GRM5: variants seen among roughly 807,000 people sequenced by gnomAD.
GRM5 encodes glutamate metabotropic receptor 5.
A neutral mutation model predicts 83.1 loss-of-function variants in GRM5; 19 were observed. The observed-to-expected ratio is 0.23, with a 90% CI of 0.16 to 0.34. GRM5 has a LOEUF of 0.34. GRM5 is among the 10% of genes least tolerant of loss of function. The pLI is 1.00. For synonymous variants in GRM5, 675 were observed against 633.6 expected (o/e 1.07, Z -0.98); for missense variants, 1,160 against 1,588.3 (o/e 0.73, Z 4.58).
intron 3 of GRM5, among the ~76,000 whole-genome samples, chr11:88,771,854 A>C (rs949323115): frequency 6.6e-6 from 1 of 152,132 alleles, no homozygotes; most frequent in African/African-American, 2.4e-5. Flanking sequence ...GAAAAGTTTC[A>C]TCTCCCTGAA....
At chr11:88,651,842 A>G (rs982924314) in intron 4 of GRM5, among the ~76,000 whole-genome samples, 1 of 152,042 alleles carries the variant, frequency 6.6e-6, no homozygotes, top group Non-Finnish European at 1.5e-5. Context: ...TGTTTTATGA[A>G]GCAATTACAT....
At chr11:88,695,691 G>A (rs949370345) in intron 3 of GRM5, among the ~76,000 whole-genome samples, 2 of 152,174 alleles carry the variant, frequency 1.3e-5, no homozygotes, top group Admixed American at 1.3e-4. Flanking sequence ...AGTTTTCAAG[G>A]AATCAACACC....
At chr11:88,931,099 G>A (rs1937691389) in intron 2 of GRM5, among the ~76,000 whole-genome samples, 1 of 151,738 alleles carries the variant, frequency 6.6e-6, no homozygotes, top group African/African-American at 2.4e-5. Context: ...GCTATTATAT[G>A]TGCTATAGGT....
chr11:88,712,965 C>T (rs762452333), intron 3 of GRM5, among the ~76,000 whole-genome samples: 9 of 151,900 alleles, frequency 5.9e-5, no homozygotes, highest in Admixed American at 2.6e-4. Flanking sequence ...TTGTTTCTTC[C>T]GTTTGGTCAA....
At chr11:88,665,862 A>AAC (rs1940031016) in intron 3 of GRM5, among the ~76,000 whole-genome samples, 2 of 151,324 alleles carry the variant, frequency 1.3e-5, no homozygotes, top group Admixed American at 1.3e-4. Context: ...AGGAGAAAAA[A>AAC]AAAAATGGAC....
At chr11:88,963,558 A>T (rs569153499) in intron 2 of GRM5, among the ~76,000 whole-genome samples, 1 of 152,326 alleles carries the variant, frequency 6.6e-6, no homozygotes, top group Admixed American at 6.5e-5. Flanking sequence ...TGGACCATGT[A>T]GATAAAGCAA....
chr11:88,847,558 C>T (rs184400983), intron 3 of GRM5, among the ~76,000 whole-genome samples: 1 of 151,904 alleles, frequency 6.6e-6, no homozygotes, highest in Admixed American at 6.6e-5. Flanking sequence ...ACTGTTGTTC[C>T]CAAATATTTG....
intron 3 of GRM5, among the ~76,000 whole-genome samples, chr11:88,844,438 ACAATG>A (rs1472952610): frequency 2.0e-5 from 3 of 152,092 alleles, no homozygotes; most frequent in Non-Finnish European, 4.4e-5. Flanking sequence ...CTAATAATTG[ACAATG>A]TGCCCGGCCA....
At chr11:88,561,188 A>C (rs770936831) in intron 8 of GRM5, among the ~76,000 whole-genome samples, 1 of 152,198 alleles carries the variant, frequency 6.6e-6, no homozygotes, top group Non-Finnish European at 1.5e-5. Context: ...CAAATGAACC[A>C]GTTTTCTAGG....
chr11:88,963,050 C>G (rs1416000195), intron 2 of GRM5, among the ~76,000 whole-genome samples: 1 of 152,202 alleles, frequency 6.6e-6, no homozygotes, highest in Non-Finnish European at 1.5e-5. Context: ...GATCATGCCA[C>G]TGCACACTCC....
chr11:88,712,652 T>G (rs1410954158), intron 3 of GRM5, among the ~76,000 whole-genome samples: 1 of 152,002 alleles, frequency 6.6e-6, no homozygotes, highest in Non-Finnish European at 1.5e-5. Context: ...CGTAGTTTGA[T>G]GCCCATAAAA....
At chr11:88,850,239 A>C in intron 2 of GRM5, 84 bp from the exon 3 acceptor site, 1 of 737,944 alleles carries the variant, frequency 1.4e-6, no homozygotes, top group Non-Finnish European at 2.3e-6. Context: ...AGGTGTTAGG[A>C]GCATGAAAGT....
At chr11:89,052,577 G>A (rs1215621846) in intron 1 of GRM5, among the ~76,000 whole-genome samples, 3 of 152,118 alleles carry the variant, frequency 2.0e-5, no homozygotes, top group African/African-American at 7.2e-5. Context: ...TTTTGAGTGT[G>A]TCTGTATGTG....
chr11:88,652,691 A>T (rs1359329609), intron 4 of GRM5, among the ~76,000 whole-genome samples: 1 of 152,022 alleles, frequency 6.6e-6, no homozygotes, highest in Non-Finnish European at 1.5e-5. Context: ...TATATAGCAA[A>T]TCCCTGGTAC....
intron 1 of GRM5, among the ~76,000 whole-genome samples, chr11:89,057,098 C>T (rs1165659335): frequency 6.6e-6 from 1 of 152,134 alleles, no homozygotes; most frequent in East Asian, 1.9e-4. Flanking sequence ...CTTTCTGGCA[C>T]AGATGTCTCT....
intron 3 of GRM5, among the ~76,000 whole-genome samples, chr11:88,764,762 T>A (rs1330072693): frequency 6.6e-6 from 1 of 151,012 alleles, no homozygotes; most frequent in African/African-American, 2.4e-5. Flanking sequence ...TTAGAAAAAT[T>A]CAAATCAGCA....
intron 2 of GRM5, among the ~76,000 whole-genome samples, chr11:88,870,504 C>T (rs1298365151): frequency 1.3e-5 from 2 of 151,356 alleles, no homozygotes; most frequent in African/African-American, 4.8e-5. Context: ...AATCATAAAG[C>T]CACTTCTACA....
At chr11:88,827,374 A>G (rs909948543) in intron 3 of GRM5, among the ~76,000 whole-genome samples, 1 of 152,144 alleles carries the variant, frequency 6.6e-6, no homozygotes, top group African/African-American at 2.4e-5. Context: ...CTCATATTTC[A>G]CAGAGATTTC....
intron 3 of GRM5, among the ~76,000 whole-genome samples, chr11:88,793,560 A>G (rs1322742817): frequency 1.3e-5 from 2 of 152,210 alleles, no homozygotes; most frequent in South Asian, 2.1e-4. Context: ...AGTATTGGGA[A>G]GAATTTTAAT....
Sources: allele counts gnomAD v4.1 joint callset (sites outside exome capture counted in the v4.1 genomes callset), GRCh38; gene constraint gnomAD v4.1.1; transcripts MANE v1.5; gene names NCBI Gene and HGNC (gene_info 2026-07-23, HGNC 2026-07-21).